The following SRCIN1 variants were observed in gnomAD, a reference collection of about 807,000 sequenced individuals.
The protein encoded by SRCIN1 is P130Cas-associated protein.
In SRCIN1, 50 loss-of-function variants were observed where a neutral mutation model predicts 116.2. The ratio of observed to expected loss-of-function variants is 0.43; its 90% CI spans 0.34 to 0.54. The LOEUF (loss-of-function observed/expected upper bound fraction) is 0.54, where lower values mean the gene tolerates loss of function less well. Among genes scored for constraint, SRCIN1 ranks in the 20% least tolerant of loss-of-function variants. SRCIN1 has a pLI of 0.02. For missense variants in SRCIN1, 1,446 were observed against 1,672.0 expected (o/e 0.86, Z 2.36); for synonymous variants, 736 against 750.0 (o/e 0.98, Z 0.30).
chr17:38,588,058 CAA>C (rs112646329), intron 1 of SRCIN1, among the ~76,000 whole-genome samples: 24,719 of 128,942 alleles, frequency 0.19, 2,137 homozygotes, highest in African/African-American at 0.23. Context: ...TTTGCTTTAA[CAA>C]AAAAAAAAAA....
Position 38,537,132 on chromosome 17 carries a change from C to T in SRCIN1, c.3418-3701G>A, listed in dbSNP as rs571862206. Among the ~76,000 whole-genome samples, 6 of 151,940 alleles carry T rather than the reference C, an allele frequency of 3.9e-5. No homozygotes were observed. The South Asian group carries it at 1.0e-3, about 26-fold the overall frequency. On this transcript the variant is annotated intron_variant, in intron 18 of 18. Coordinates refer to ENST00000617146, the MANE Select transcript of SRCIN1 (RefSeq NM_025248.3). Reference sequence around the variant, plus strand: ...GGTGGAGGTTGCAGTGAGCCGAGATCGCACCACTGCACTCCAGCCTGGGTG... The same window carrying T: ...GGTGGAGGTTGCAGTGAGCCGAGATTGCACCACTGCACTCCAGCCTGGGTG...
upstream of SRCIN1, among the ~76,000 whole-genome samples, chr17:38,606,166 C>T (rs1909360438): frequency 6.6e-6 from 1 of 151,668 alleles, no homozygotes; most frequent in Admixed American, 6.6e-5. The surrounding 1 kb of genome is among the most constrained non-coding windows in gnomAD (Gnocchi z 5.2). Context: ...CTCTCTCCTT[C>T]CCGCGCCACC....
At chr17:38,591,921 G>T (rs1908463125) in intron 1 of SRCIN1, among the ~76,000 whole-genome samples, 1 of 152,236 alleles carries the variant, frequency 6.6e-6, no homozygotes, top group Admixed American at 6.5e-5. Context: ...GCTCTGCCTG[G>T]AATTCTCTGG....
At chr17:38,591,787 C>T (rs1384847073) in intron 1 of SRCIN1, among the ~76,000 whole-genome samples, 1 of 152,170 alleles carries the variant, frequency 6.6e-6, no homozygotes, top group Non-Finnish European at 1.5e-5. Context: ...CTTTCTGGTG[C>T]CTGGCCTTGC....
chr17:38,560,525 C>T, intron 7 of SRCIN1, 100 bp from the exon 8 acceptor site: 1 of 1,003,486 alleles, frequency 1.0e-6, no homozygotes, highest in Non-Finnish European at 1.5e-6. Flanking sequence ...AAACACCGTC[C>T]CATCCCTGGC....
intron 18 of SRCIN1, chr17:38,542,779 G>A (rs1033448488): frequency 4.0e-6 from 1 of 247,138 alleles, no homozygotes; most frequent in South Asian, 5.1e-5. Context: ...GCACCTTTGG[G>A]AAGCCCCTCT....
chr17:38,533,114 AAAAC>A lies in SRCIN1; in HGVS notation c.*179_*182del. On this transcript the variant is annotated 3_prime_UTR_variant, in exon 19 of 19. Coordinates refer to ENST00000617146, the MANE Select transcript of SRCIN1 (RefSeq NM_025248.3). ...AATTGTTAAAAAAAAAAAAAAAAACAAAACCAAAAACACCAACAGATGATGGGTA... is the reference window on the plus strand; with the variant it reads ...AATTGTTAAAAAAAAAAAAAAAAACACAAAAACACCAACAGATGATGGGTA... 1 of 508,820 alleles carries A rather than the reference AAAAC, an allele frequency of 2.0e-6. No homozygotes were observed. The highest frequency in any genetic ancestry group is 2.9e-6 in the Non-Finnish European group (1 of 339,166). 31.5% of individuals were successfully genotyped at this position (508,820 alleles called of 1,614,324 possible).
intron 2 of SRCIN1, among the ~76,000 whole-genome samples, chr17:38,569,492 G>C (rs1224261427): frequency 6.6e-6 from 1 of 152,178 alleles, no homozygotes; most frequent in Non-Finnish European, 1.5e-5. Context: ...CTGGCAGGGA[G>C]GAGTTGGAAG....
chr17:38,605,686 TG>T lies in SRCIN1; in HGVS notation c.19del (p.Gln7LysfsTer53). The T allele has an allele frequency of 8.1e-7, 1 of 1,227,202 alleles. No individual in the cohort carries two copies. The highest frequency in any genetic ancestry group is 1.0e-6 in the Non-Finnish European group (1 of 973,120). 76.0% of individuals were successfully genotyped at this position (1,227,202 alleles called of 1,614,324 possible). A position where few individuals can be genotyped will look rare whatever the true frequency, so the allele number is the denominator to read the frequency against. On this transcript the variant is annotated frameshift_variant, in exon 1 of 19. Transcript: ENST00000617146. LOFTEE classifies it high-confidence loss of function. MGNAPS[Q>X]DPERSSPPML... ...GGAGGAGAGAGACAGGGACATGCCT[TG>T]GGACGGAGCGTTCCCCATCGGGCGG...
At chr17:38,582,399 C>T (rs947301404) in intron 1 of SRCIN1, among the ~76,000 whole-genome samples, 2 of 152,206 alleles carry the variant, frequency 1.3e-5, no homozygotes. Flanking sequence ...GCTGCTGGAG[C>T]AGGCAGAGGG....
At chr17:38,535,582 AC>A (rs2040989541) in intron 18 of SRCIN1, among the ~76,000 whole-genome samples, 1 of 152,110 alleles carries the variant, frequency 6.6e-6, no homozygotes, top group Non-Finnish European at 1.5e-5. Flanking sequence ...GGGCCCAGCC[AC>A]AGGGTCGTCA....
rs771121623 is a variant in SRCIN1, at chr17:38,563,702, G to A, written c.542-181C>T. 3 of 871,496 alleles carry A rather than the reference G, an allele frequency of 3.4e-6. No individual in the cohort carries two copies. Among genetic ancestry groups the A allele is most frequent in the Non-Finnish European group, 3.7e-6 (2 of 543,710 alleles). The allele number at this position is 871,496 out of a possible 1,614,324, so 54.0% of individuals were successfully genotyped here. A position where few individuals can be genotyped will look rare whatever the true frequency, so the allele number is the denominator to read the frequency against. On this transcript the variant is annotated intron_variant, in intron 4 of 18. Transcript: ENST00000617146. This position sits in a 1 kb window ranked among gnomAD's most constrained non-coding sequence, Gnocchi z 5.8. ...ATGCTGCCGGCGGGGGCGCCAGGCC[G>A]GCTCTCCAGCCTCTCAAGGCACCCA...
intron 1 of SRCIN1, among the ~76,000 whole-genome samples, chr17:38,605,071 G>A (rs535020576): frequency 2.0e-5 from 3 of 151,918 alleles, no homozygotes; most frequent in African/African-American, 7.3e-5. Context: ...GGTGCGGGGA[G>A]GGGGGGTGTG....
chr17:38,548,732 C>T (rs372092659), intron 16 of SRCIN1, 23 bp from the exon 17 acceptor site: 19 of 1,560,334 alleles, frequency 1.2e-5, no homozygotes, highest in Admixed American at 1.8e-5. Flanking sequence ...GGACTCCTGT[C>T]AAGGCCAGGC....
chr17:38,555,129 C>G (rs1266424700), intron 11 of SRCIN1, among the ~76,000 whole-genome samples: 4 of 152,224 alleles, frequency 2.6e-5, no homozygotes, highest in Non-Finnish European at 5.9e-5. Context: ...ACCCTCAAAA[C>G]AAATCCTGGA....
At chr17:38,588,584 G>GC (rs773442108) in intron 1 of SRCIN1, among the ~76,000 whole-genome samples, 8 of 152,200 alleles carry the variant, frequency 5.3e-5, no homozygotes, top group South Asian at 2.1e-4. Flanking sequence ...TGAGGAGGCT[G>GC]CCAGGGCGTC....
Position 38,572,310 on chromosome 17 carries a change from A to G in SRCIN1, c.325-4079T>C, listed in dbSNP as rs917399407. On this transcript the variant is annotated intron_variant, in intron 2 of 18. Transcript: ENST00000617146. This position sits in a 1 kb window ranked among gnomAD's most constrained non-coding sequence, Gnocchi z 4.3. ...ATGTACATGCATGACCCTCTCTTCC[A>G]GATGTGTGGATGACACCCTCATCTC... Among the ~76,000 whole-genome samples the G allele has an allele frequency of 7.3e-5, 9 of 123,930 alleles. No individual in the cohort carries two copies. Among genetic ancestry groups the G allele is most frequent in the South Asian group, 2.7e-4 (1 of 3,730 alleles). 81.3% of individuals were successfully genotyped at this position (123,930 alleles called of 152,430 possible). A position where few individuals can be genotyped will look rare whatever the true frequency, so the allele number is the denominator to read the frequency against.
Position 38,562,869 on chromosome 17 carries a change from G to C in SRCIN1, c.792C>G (p.Tyr264Ter). ...IIKIYRKEPL[Y>*]AAFPGSHLTN... ...TGAGATGTGAGCCAGGGAAGGCAGC[G>C]TAGAGGGGCTCCTTTCTGTAGATCT... is the stretch of plus-strand genomic sequence containing the variant. The change falls in exon 6 of 19, where the codon TAC becomes TAG. Residue 264 changes from tyrosine to a stop codon, truncating the protein, a stop_gained. Coordinates refer to ENST00000617146, the MANE Select transcript of SRCIN1 (RefSeq NM_025248.3). LOFTEE classifies it high-confidence loss of function. The surrounding 1 kb of genome is among the most constrained non-coding windows in gnomAD (Gnocchi z 4.2). 1 of 1,613,846 alleles carries C rather than the reference G, an allele frequency of 6.2e-7. No individual in the cohort carries two copies. Among genetic ancestry groups the C allele is most frequent in the Non-Finnish European group, 8.5e-7 (1 of 1,179,824 alleles).
chr17:38,535,354 ATG>A (rs2040986667), intron 18 of SRCIN1, among the ~76,000 whole-genome samples: 1 of 151,836 alleles, frequency 6.6e-6, no homozygotes, highest in Admixed American at 6.6e-5. Flanking sequence ...AATTACAGGC[ATG>A]CGCCACCACG....
Sources: gnomAD v4.1 joint callset for allele counts (sites outside exome capture counted in the v4.1 genomes callset) on GRCh38, gnomAD v4.1.1 for gene constraint, Gnocchi (gnomAD v3.1) non-coding constraint, MANE v1.5 for transcripts, NCBI Gene and HGNC (gene_info 2026-07-23, HGNC 2026-07-21) for gene names.